The following ADAMTSL2 variants were observed in gnomAD, a reference collection of about 807,000 sequenced individuals.
ADAMTSL2 encodes ADAMTS-like protein 2.
In ADAMTSL2, 55 loss-of-function variants were observed where a neutral mutation model predicts 117.0. The observed-to-expected ratio is 0.47, with a 90% CI of 0.38 to 0.59. The LOEUF is 0.59. ADAMTSL2 is among the 20% of genes least tolerant of loss of function. The probability of loss-of-function intolerance (pLI) is 0.00; values close to 1 mark genes in which losing one functional copy is unlikely to be tolerated. For synonymous variants in ADAMTSL2, 572 were observed against 566.4 expected, an observed-to-expected ratio of 1.01 and a Z score of -0.14; for missense variants, 1,182 against 1,354.5, an observed-to-expected ratio of 0.87 and a Z score of 2.00.
chr9:133,539,848 G>A lies in ADAMTSL2; in HGVS notation c.387G>A (p.Thr129=), dbSNP rs146802900. ...SFNSHVYNGR[T]HQWKPLYPDD... is the part of the protein sequence containing the mutation. Reference sequence around the variant, plus strand: ...ACTCCCACGTGTACAACGGGCGGACGCACCAGTGGAAGCCTCTGTACCCGG... The same window carrying A: ...ACTCCCACGTGTACAACGGGCGGACACACCAGTGGAAGCCTCTGTACCCGG... Residue 129 remains threonine (T), a synonymous_variant, in exon 5 of 19, where the codon ACG becomes ACA. Transcript: ENST00000651351. 5.0e-4 allele frequency: 776 copies of A among 1,550,960 alleles called. 3 individuals carry two copies. The African/African-American group carries it at 5.3e-3, about 11-fold the overall frequency.
Position 133,568,532 on chromosome 9 carries a change from G to C in ADAMTSL2, c.2088+46G>C, listed in dbSNP as rs895438634. The stretch of plus-strand genomic sequence containing the variant: ...GCCGGGGGTCGGGAAGAGCTGGGGA[G>C]CTGGGCTTGGGAGATGGAGGTGGCT... On this transcript the variant is annotated intron_variant, in intron 14 of 18. Transcript: ENST00000651351. The C allele has an allele frequency of 1.7e-5, 27 of 1,569,854 alleles. No homozygotes were observed. In the East Asian group the frequency reaches 1.9e-4, roughly 11 times the overall value.
At chr9:133,533,950 G>A (rs1264840346), upstream of ADAMTSL2, among the ~76,000 whole-genome samples, 1 of 152,194 alleles carries the variant, frequency 6.6e-6, no homozygotes, top group Non-Finnish European at 1.5e-5. Context: ...GGGGCCCGCC[G>A]GGAGTTTCCC....
chr9:133,564,613 A>AGAGG (rs1830908097), intron 12 of ADAMTSL2, among the ~76,000 whole-genome samples: 2 of 49,352 alleles, frequency 4.1e-5, no homozygotes, highest in Non-Finnish European at 8.5e-5. Context: ...AGAGGGAGAG[A>AGAGG]GAGAGAGAGA....
intron 5 of ADAMTSL2, 44 bp downstream of exon 5, chr9:133,539,917 G>C: frequency 6.5e-7 from 1 of 1,535,540 alleles, no homozygotes; most frequent in Non-Finnish European, 8.8e-7. Context: ...AGCTGACTGA[G>C]CTTTGGGGGT....
chr9:133,563,812 AAAGG>A (rs1177554863), intron 12 of ADAMTSL2, among the ~76,000 whole-genome samples: 23 of 126,970 alleles, frequency 1.8e-4, no homozygotes, highest in African/African-American at 5.4e-4. Context: ...AGAGAGAGAG[AAAGG>A]GGGAGAGAGA....
Position 133,573,990 on chromosome 9 carries a change from G to A in ADAMTSL2, c.2737+3G>A. The A allele has an allele frequency of 1.2e-6, 2 of 1,611,304 alleles. No individual in the cohort carries two copies. Among genetic ancestry groups the A allele is most frequent in the Non-Finnish European group, 8.5e-7 (1 of 1,179,084 alleles). On this transcript the variant is annotated splice_donor_region_variant and intron_variant, in intron 18 of 18. Transcript: ENST00000651351. The stretch of plus-strand genomic sequence containing the variant: ...GCCCTGCCCCACGGAGCCCCCAGGT[G>A]AGGCGCGGGGAGGCCGAGGGTGGCT...
intron 9 of ADAMTSL2, among the ~76,000 whole-genome samples, chr9:133,547,916 C>T (rs1025205757): frequency 2.0e-5 from 3 of 152,214 alleles, no homozygotes; most frequent in Admixed American, 6.5e-5. Context: ...CTATGGCTAG[C>T]GTCTGGAAAT....
intron 12 of ADAMTSL2, among the ~76,000 whole-genome samples, chr9:133,563,234 G>C (rs1226717716): frequency 1.3e-5 from 2 of 152,260 alleles, no homozygotes; most frequent in Non-Finnish European, 2.9e-5. Flanking sequence ...ACCTGATGCA[G>C]GGTGCGGCTT....
At chr9:133,563,731 T>C (rs1335376493) in intron 12 of ADAMTSL2, among the ~76,000 whole-genome samples, 2 of 150,924 alleles carry the variant, frequency 1.3e-5, no homozygotes, top group Non-Finnish European at 2.9e-5. Flanking sequence ...GTTTTGGCTT[T>C]GGAAGAAGGA....
chr9:133,537,073 G>A (rs1354150520), intron 2 of ADAMTSL2, among the ~76,000 whole-genome samples: 1 of 152,156 alleles, frequency 6.6e-6, no homozygotes, highest in African/African-American at 2.4e-5. Flanking sequence ...CACGGCCAGG[G>A]TAGGCTGTGT....
rs963514644 is a variant in ADAMTSL2, at chr9:133,568,435, C to G, written c.2037C>G (p.Thr679=). ...AEAVRPEERK[T]CRNPACGPQW... The stretch of plus-strand genomic sequence containing the variant: ...CCGTGCGGCCCGAGGAACGCAAGAC[C>G]TGCCGGAACCCCGCCTGCGGGCCCC... Residue 679 remains threonine, a synonymous_variant, in exon 14 of 19, where the codon ACC becomes ACG. Transcript: ENST00000651351. 1.2e-6 allele frequency: 2 copies of G among 1,609,104 alleles called. No homozygotes were observed. Among genetic ancestry groups the G allele is most frequent in the African/African-American group, 2.7e-5 (2 of 75,036 alleles).
chr9:133,546,221 TC>T (rs1830344668), intron 8 of ADAMTSL2, among the ~76,000 whole-genome samples: 1 of 152,144 alleles, frequency 6.6e-6, no homozygotes, highest in Admixed American at 6.5e-5. Context: ...GGGCTGTTGT[TC>T]CAGTCTGCAG....
intron 7 of ADAMTSL2, among the ~76,000 whole-genome samples, chr9:133,543,531 C>G (rs895496801): frequency 1.3e-5 from 2 of 152,202 alleles, no homozygotes; most frequent in African/African-American, 4.8e-5. Flanking sequence ...TAAACATTTT[C>G]CAGAGCACGG....
At chr9:133,552,824 C>T (rs942181833) in intron 9 of ADAMTSL2, among the ~76,000 whole-genome samples, 133 of 152,286 alleles carry the variant, frequency 8.7e-4, no homozygotes, top group African/African-American at 3.2e-3. Flanking sequence ...ACATCTGCAT[C>T]CTTTAGGTCA....
chr9:133,554,841 A>G lies in ADAMTSL2; in HGVS notation c.1276+148A>G, dbSNP rs1830569709. Reference sequence around the variant, plus strand: ...ACCTGCAGATGTCCTCTGGGCAGGCACAGGGTTGAGGACTTGGGATAGGTC... The same window carrying G: ...ACCTGCAGATGTCCTCTGGGCAGGCGCAGGGTTGAGGACTTGGGATAGGTC... On this transcript the variant is annotated intron_variant, in intron 10 of 18. Coordinates refer to ENST00000651351, the MANE Select transcript of ADAMTSL2 (RefSeq NM_014694.4). This position sits in a 1 kb window ranked among gnomAD's most constrained non-coding sequence, Gnocchi z 5.2. 40 of 720,710 alleles carry G rather than the reference A, an allele frequency of 5.6e-5. No homozygotes were observed. In the South Asian group the frequency reaches 7.6e-4, roughly 14 times the overall value. The allele number at this position is 720,710 out of a possible 1,614,324, so 44.6% of individuals were successfully genotyped here. A position where few individuals can be genotyped will look rare whatever the true frequency, so the allele number is the denominator to read the frequency against.
At chr9:133,553,532 T>C (rs1830534873) in intron 9 of ADAMTSL2, among the ~76,000 whole-genome samples, 1 of 152,196 alleles carries the variant, frequency 6.6e-6, no homozygotes, top group Non-Finnish European at 1.5e-5. Flanking sequence ...ATTGCACCAA[T>C]AGTGCATTTC....
At chr9:133,572,172 G>GCCACCCCCCACCCC (rs1330759598) in intron 17 of ADAMTSL2, among the ~76,000 whole-genome samples, 3 of 20,380 alleles carry the variant, frequency 1.5e-4, no homozygotes, top group Non-Finnish European at 3.7e-4. Flanking sequence ...ACCCTGCCCC[G>GCCACCCCCCACCCC]CCACCCCCCA....
intron 4 of ADAMTSL2, among the ~76,000 whole-genome samples, chr9:133,539,469 G>A (rs547008835): frequency 4.6e-5 from 7 of 152,348 alleles, no homozygotes; most frequent in African/African-American, 1.7e-4. Flanking sequence ...CCATCCTAGG[G>A]TCATGTCCCC....
In ADAMTSL2 at chr9:133,555,874, C is replaced by A; in HGVS notation, c.1593C>A (p.Phe531Leu). The A allele has an allele frequency of 1.2e-6, 2 of 1,613,236 alleles. No individual in the cohort carries two copies. Among genetic ancestry groups the A allele is most frequent in the East Asian group, 4.5e-5 (2 of 44,878 alleles). ...CCAACAGCTCCTCCGAGGCCCCATT[C>A]CCCAACGTTAGCACCAGCCTGCTCA... ...RVANSSSEAP[F>L]PNVSTSLLTS... Residue 531 changes from phenylalanine to leucine, a missense_variant, in exon 11 of 19, where the codon TTC becomes TTA. Coordinates refer to ENST00000651351, the MANE Select transcript of ADAMTSL2 (RefSeq NM_014694.4).
Sources: gnomAD v4.1 joint callset for allele counts (sites outside exome capture counted in the v4.1 genomes callset) on GRCh38, gnomAD v4.1.1 for gene constraint, Gnocchi (gnomAD v3.1) non-coding constraint, MANE v1.5 for transcripts, NCBI Gene and HGNC (gene_info 2026-07-23, HGNC 2026-07-21) for gene names.